The following DESI2 variants were observed in gnomAD, a reference collection of about 807,000 sequenced individuals.
DESI2 encodes the protein desumoylating isopeptidase 2.
Under a neutral mutation model 24.1 loss-of-function variants are expected in DESI2, and 10 were observed. That is an observed-to-expected ratio of 0.41 (90% CI 0.26 to 0.70). The LOEUF (loss-of-function observed/expected upper bound fraction) is 0.70, where lower values mean the gene tolerates loss of function less well. DESI2 is among the 30% of genes least tolerant of loss of function. The probability of loss-of-function intolerance (pLI) is 0.29; values close to 1 mark genes in which losing one functional copy is unlikely to be tolerated. For synonymous variants in DESI2, 71 were observed against 87.7 expected (o/e 0.81, Z 1.06); for missense variants, 122 against 234.9 (o/e 0.52, Z 3.14).
Position 244,694,624 on chromosome 1 carries a change from A to G in DESI2, c.351+2604A>G, listed in dbSNP as rs532137733. Reference sequence around the variant, plus strand: ...TTGGCGGGGTAGCCACATTTGCCACAGGTCAACTTCTGAAGGTGGTAGGCC... The same window carrying G: ...TTGGCGGGGTAGCCACATTTGCCACGGGTCAACTTCTGAAGGTGGTAGGCC... On this transcript the variant is annotated intron_variant, in intron 4 of 4. Transcript: ENST00000302550. 3 of 844,046 alleles carry G rather than the reference A, an allele frequency of 3.6e-6. No individual in the cohort carries two copies. The South Asian group carries it at 4.0e-5, about 11-fold the overall frequency. The allele number at this position is 844,046 out of a possible 1,614,324, so 52.3% of individuals were successfully genotyped here.
At chr1:244,684,943 A>G (rs1329885370) in intron 1 of DESI2, among the ~76,000 whole-genome samples, 1 of 152,176 alleles carries the variant, frequency 6.6e-6, no homozygotes, top group Non-Finnish European at 1.5e-5. Flanking sequence ...TCTCCTTCCA[A>G]AATCAAATTG....
chr1:244,701,521 G>C (rs61844166), intron 4 of DESI2, among the ~76,000 whole-genome samples: 7,482 of 152,252 alleles, frequency 0.049, 222 homozygotes, highest in Middle Eastern at 0.085. Context: ...CGGAGAAAAA[G>C]GATGATTCAG....
intron 1 of DESI2, among the ~76,000 whole-genome samples, chr1:244,672,239 T>A (rs1276120525): frequency 6.6e-6 from 1 of 152,176 alleles, no homozygotes; most frequent in Non-Finnish European, 1.5e-5. Flanking sequence ...CGCTCATGAA[T>A]GACTTAGGGC....
At chr1:244,685,544 G>A (rs1676788562) in intron 1 of DESI2, among the ~76,000 whole-genome samples, 1 of 151,936 alleles carries the variant, frequency 6.6e-6, no homozygotes, top group African/African-American at 2.4e-5. Context: ...TTCCAGGTAC[G>A]TTTTATTTTA....
At chr1:244,694,008 C>T (rs573613447) in intron 4 of DESI2, among the ~76,000 whole-genome samples, 1 of 152,284 alleles carries the variant, frequency 6.6e-6, no homozygotes, top group South Asian at 2.1e-4. Context: ...TTTAGTAAAA[C>T]TGGTATGCTT....
intron 4 of DESI2, among the ~76,000 whole-genome samples, chr1:244,699,511 G>C (rs560923492): frequency 5.6e-4 from 80 of 142,608 alleles, no homozygotes; most frequent in African/African-American, 1.9e-3. Flanking sequence ...GAATACAGGA[G>C]GGGGAGGTTG....
chr1:244,663,324 CTG>C (rs1675914243), intron 1 of DESI2, among the ~76,000 whole-genome samples: 1 of 150,828 alleles, frequency 6.6e-6, no homozygotes, highest in African/African-American at 2.4e-5. Flanking sequence ...CTACAGGCGC[CTG>C]CCACCACGCC....
At chr1:244,677,037 T>C (rs1481794727) in intron 1 of DESI2, among the ~76,000 whole-genome samples, 3 of 151,888 alleles carry the variant, frequency 2.0e-5, no homozygotes, top group African/African-American at 7.3e-5. Context: ...CTGTTTCTTG[T>C]GATGTCTTTG....
intron 1 of DESI2, among the ~76,000 whole-genome samples, chr1:244,657,323 T>A (rs1182534181): frequency 6.6e-6 from 1 of 152,196 alleles, no homozygotes; most frequent in African/African-American, 2.4e-5. Flanking sequence ...CCCACCTAAA[T>A]GGTTCCTTCG....
At chr1:244,654,449 GTTA>G (rs1344462567) in intron 1 of DESI2, among the ~76,000 whole-genome samples, 22 of 152,296 alleles carry the variant, frequency 1.4e-4, no homozygotes, top group African/African-American at 4.6e-4. Flanking sequence ...AATTTACAGT[GTTA>G]TTATATCTTG....
chr1:244,670,659 A>G (rs1402697525), intron 1 of DESI2, among the ~76,000 whole-genome samples: 4 of 150,600 alleles, frequency 2.7e-5, no homozygotes, highest in South Asian at 2.1e-4. Flanking sequence ...GTAAGTAACT[A>G]TCTTTCCCAA....
chr1:244,696,359 C>T lies in DESI2; in HGVS notation c.351+4339C>T, dbSNP rs576561318. On this transcript the variant is annotated intron_variant, in intron 4 of 4. Coordinates refer to ENST00000302550, the MANE Select transcript of DESI2 (RefSeq NM_016076.5). The stretch of plus-strand genomic sequence containing the variant: ...CAAGATAGCTGGGCACAGTGGCTCA[C>T]GCCTGTAATCCCAGTACTTTGGGAG... Among the ~76,000 whole-genome samples, 7 of 152,320 alleles carry T rather than the reference C, an allele frequency of 4.6e-5. No individual in the cohort carries two copies. The South Asian group carries it at 1.0e-3, about 23-fold the overall frequency.
intron 1 of DESI2, among the ~76,000 whole-genome samples, chr1:244,670,813 G>A (rs1398343259): frequency 1.3e-5 from 2 of 152,186 alleles, no homozygotes; most frequent in Non-Finnish European, 2.9e-5. Context: ...AAAGCACATA[G>A]GTCTCCCAAC....
chr1:244,692,966 G>C (rs1024008238), intron 4 of DESI2, among the ~76,000 whole-genome samples: 1 of 152,300 alleles, frequency 6.6e-6, no homozygotes, highest in East Asian at 1.9e-4. Context: ...GGATGCATCA[G>C]TACCGTAGAA....
chr1:244,688,008 C>A (rs958731471), intron 2 of DESI2, among the ~76,000 whole-genome samples: 11 of 152,220 alleles, frequency 7.2e-5, no homozygotes, highest in African/African-American at 2.7e-4. Flanking sequence ...TGGAAGTCAT[C>A]ATGCTAATAA....
intron 2 of DESI2, 69 bp downstream of exon 2, chr1:244,686,738 AC>A: frequency 1.1e-6 from 1 of 934,602 alleles, no homozygotes; most frequent in South Asian, 1.4e-5. Context: ...CAAAATCATA[AC>A]TATAGGTCTC....
At chr1:244,660,300 G>A (rs897837947) in intron 1 of DESI2, among the ~76,000 whole-genome samples, 4 of 152,134 alleles carry the variant, frequency 2.6e-5, no homozygotes, top group Non-Finnish European at 5.9e-5. Context: ...AGAGTAGCTA[G>A]GACTACAGGC....
At chr1:244,679,782 G>T (rs1676539812) in intron 1 of DESI2, among the ~76,000 whole-genome samples, 1 of 147,206 alleles carries the variant, frequency 6.8e-6, no homozygotes, top group African/African-American at 2.5e-5. Flanking sequence ...CACAAGAATC[G>T]CTCGAACCTG....
At chr1:244,675,330 T>G (rs538001511) in intron 1 of DESI2, among the ~76,000 whole-genome samples, 1 of 152,228 alleles carries the variant, frequency 6.6e-6, no homozygotes, top group African/African-American at 2.4e-5. Context: ...TTGTTGCTTT[T>G]GCTTTTGGTG....
Sources: gnomAD v4.1 joint callset for allele counts (sites outside exome capture counted in the v4.1 genomes callset) on GRCh38, gnomAD v4.1.1 for gene constraint, MANE v1.5 for transcripts, NCBI Gene and HGNC (gene_info 2026-07-23, HGNC 2026-07-21) for gene names.